TRMT10B: variants seen among roughly 807,000 people sequenced by gnomAD.
TRMT10B encodes the protein tRNA methyltransferase 10 homolog B.
In TRMT10B, 33 loss-of-function variants were observed where a neutral mutation model predicts 43.8. That is an observed-to-expected ratio of 0.75 (90% CI 0.57 to 1.01). The LOEUF (loss-of-function observed/expected upper bound fraction) is 1.01. Among genes scored for constraint, TRMT10B ranks in the 50% least tolerant of loss-of-function variants. The probability of loss-of-function intolerance (pLI) is 0.00; values close to 1 mark genes in which losing one functional copy is unlikely to be tolerated. For missense variants in TRMT10B, 362 were observed against 369.8 expected, an observed-to-expected ratio of 0.98 and a Z score of 0.17; for synonymous variants, 137 against 130.6, an observed-to-expected ratio of 1.05 and a Z score of -0.34.
At chr9:37,756,834 GTA>G (rs1002578771) in intron 1 of TRMT10B, among the ~76,000 whole-genome samples, 4 of 151,238 alleles carry the variant, frequency 2.6e-5, no homozygotes, top group South Asian at 2.1e-4. Context: ...GTATGCGTGT[GTA>G]TGTATGTGTG....
In TRMT10B at chr9:37,769,947, A is replaced by G. The variant is rs138928920; in HGVS notation, c.580A>G (p.Ile194Val). The G allele has an allele frequency of 5.6e-4, 906 of 1,614,056 alleles. 2 individuals are homozygous for G. The African/African-American group carries it at 0.011, about 19-fold the overall frequency. Residue 194 changes from isoleucine to valine, a missense_variant, in exon 6 of 9, where the codon ATA (isoleucine) becomes GTA (valine). By Grantham distance (29) the Ile-to-Val change is conservative. Transcript: ENST00000297994. The part of the protein sequence containing the change: ...NDGFSSYLLD[I>V]TEEDCFSLFP... ...GACTGTTTGCATTTTCCAGTTAGAC[A>G]TAACAGAAGAAGACTGCTTTAGTTT...
intron 5 of TRMT10B, among the ~76,000 whole-genome samples, chr9:37,769,270 G>A (rs530289973): frequency 2.3e-5 from 3 of 130,692 alleles, no homozygotes; most frequent in South Asian, 2.6e-4. Context: ...ATTATGCCAC[G>A]GCACTCCAGC....
intron 6 of TRMT10B, 105 bp from the exon 7 acceptor site, chr9:37,770,567 T>C: frequency 9.3e-7 from 1 of 1,073,164 alleles, no homozygotes; most frequent in Non-Finnish European, 1.3e-6. Flanking sequence ...TTTTGTTTTC[T>C]ACTGAATTTC....
chr9:37,768,486 G>C (rs1827221740), intron 5 of TRMT10B, among the ~76,000 whole-genome samples: 1 of 152,050 alleles, frequency 6.6e-6, no homozygotes, highest in Non-Finnish European at 1.5e-5. Context: ...GAATATTTTT[G>C]GGAAATGCCA....
At chr9:37,756,802 GTA>G (rs10636246) in intron 1 of TRMT10B, among the ~76,000 whole-genome samples, 15 of 150,336 alleles carry the variant, frequency 1.0e-4, no homozygotes, top group African/African-American at 2.5e-4. Context: ...ATGTGTATGT[GTA>G]TATATGTGTG....
intron 8 of TRMT10B, among the ~76,000 whole-genome samples, chr9:37,776,798 C>T (rs950274811): frequency 4.6e-5 from 7 of 151,884 alleles, no homozygotes; most frequent in African/African-American, 1.7e-4. Flanking sequence ...ATTCCAGAGG[C>T]TGAGGCATGA....
At chr9:37,763,922 G>T in intron 4 of TRMT10B, 169 bp downstream of exon 4, 6 of 1,345,102 alleles carry the variant, frequency 4.5e-6, no homozygotes, top group Non-Finnish European at 6.0e-6. Context: ...CTGTTGTAAC[G>T]AACCTGGAAG....
At chr9:37,771,885 T>TTA (rs1345011890) in intron 7 of TRMT10B, among the ~76,000 whole-genome samples, 1 of 151,898 alleles carries the variant, frequency 6.6e-6, no homozygotes, top group Admixed American at 6.6e-5. Context: ...TGTTTTTTTT[T>TTA]TTTCTTTTGA....
At chr9:37,759,786 C>T (rs138517139) in intron 1 of TRMT10B, among the ~76,000 whole-genome samples, 466 of 152,286 alleles carry the variant, frequency 3.1e-3, no homozygotes, top group African/African-American at 0.01. Context: ...CACTGCATTC[C>T]AGCCTAGGCA....
intron 4 of TRMT10B, 163 bp downstream of exon 4, chr9:37,763,916 T>G: frequency 7.1e-7 from 1 of 1,417,318 alleles, no homozygotes; most frequent in Non-Finnish European, 9.5e-7. Context: ...AGGTGGCTGT[T>G]GTAACGAACC....
chr9:37,756,731 TATATATATATACACACACACAC>T (rs1825727476), intron 1 of TRMT10B, among the ~76,000 whole-genome samples: 1 of 150,858 alleles, frequency 6.6e-6, no homozygotes, highest in East Asian at 1.9e-4. Flanking sequence ...AAAAGATATA[TATATATATATACACACACACAC>T]ATATATATAT....
intron 1 of TRMT10B, among the ~76,000 whole-genome samples, chr9:37,754,213 A>G (rs1002235907): frequency 6.6e-6 from 1 of 152,220 alleles, no homozygotes; most frequent in East Asian, 1.9e-4. Context: ...TTAAGCATCT[A>G]TAAGCAAACA....
intron 4 of TRMT10B, 70 bp from the exon 5 acceptor site, chr9:37,768,006 C>A: frequency 6.4e-7 from 1 of 1,572,658 alleles, no homozygotes; most frequent in Non-Finnish European, 8.7e-7. Flanking sequence ...CTTATTGTAG[C>A]CATTTCTTGA....
At chr9:37,769,532 G>A (rs1827333591) in intron 5 of TRMT10B, 1 of 172,804 alleles carries the variant, frequency 5.8e-6, no homozygotes, top group African/African-American at 2.4e-5. Flanking sequence ...CTGTCAAGCT[G>A]TCACATGTGC....
intron 7 of TRMT10B, among the ~76,000 whole-genome samples, chr9:37,772,667 C>T (rs986185973): frequency 1.3e-5 from 2 of 151,972 alleles, no homozygotes; most frequent in South Asian, 2.1e-4. Flanking sequence ...TGGACTTAAC[C>T]GAGGCAGGAG....
At chr9:37,766,247 A>G (rs1826974102) in intron 4 of TRMT10B, among the ~76,000 whole-genome samples, 1 of 152,020 alleles carries the variant, frequency 6.6e-6, no homozygotes, top group Non-Finnish European at 1.5e-5. Flanking sequence ...TCTTGAATTA[A>G]TTTTTGTATA....
chr9:37,763,553 C>T, intron 3 of TRMT10B, 76 bp from the exon 4 acceptor site: 1 of 1,331,218 alleles, frequency 7.5e-7, no homozygotes, highest in South Asian at 1.3e-5. Flanking sequence ...AAAATACCCA[C>T]CTGGCTAAGA....
At chr9:37,754,442 A>C (rs935061488) in intron 1 of TRMT10B, among the ~76,000 whole-genome samples, 1 of 152,222 alleles carries the variant, frequency 6.6e-6, no homozygotes, top group African/African-American at 2.4e-5. Flanking sequence ...GGTAGACCTT[A>C]GTGATCTGCA....
chr9:37,777,645 G>A lies in TRMT10B; in HGVS notation c.889G>A (p.Glu297Lys). The A allele has an allele frequency of 6.2e-7, 1 of 1,613,976 alleles. No individual in the cohort carries two copies. Among genetic ancestry groups the A allele is most frequent in the Non-Finnish European group, 8.5e-7 (1 of 1,179,978 alleles). The change falls in exon 9 of 9, where the codon GAA becomes AAA. Residue 297 changes from glutamate (E) to lysine (K), a missense_variant. Transcript: ENST00000297994. ...TTACTTAGAGACTCACAACTGGCCT[G>A]AAGCATTGAAGAAAGGAGTTTCTTC... is the stretch of plus-strand genomic sequence containing the variant. ...STYLETHNWP[E>K]ALKKGVSSGK...
Sources: gnomAD v4.1 joint callset for allele counts (sites outside exome capture counted in the v4.1 genomes callset) on GRCh38, gnomAD v4.1.1 for gene constraint, MANE v1.5 for transcripts, NCBI Gene and HGNC (gene_info 2026-07-23, HGNC 2026-07-21) for gene names.